AVL9: variants seen among roughly 807,000 people sequenced by gnomAD.
AVL9 encodes AVL9 cell migration associated.
AVL9 carries 49 observed loss-of-function variants against 79.2 expected under a neutral mutation model. The observed-to-expected ratio is 0.62, with a 90% confidence interval of 0.49 to 0.79. The LOEUF is 0.79. Ranked by LOEUF, AVL9 falls within the 30% of genes least tolerant of loss-of-function variation. The pLI is 0.00. For missense variants in AVL9, 682 were observed against 776.8 expected (o/e 0.88, Z 1.45); for synonymous variants, 299 against 280.6 (o/e 1.07, Z -0.65).
At chr7:32,503,365 T>TACACACACACACACACACACACACAC (rs796351504) in intron 1 of AVL9, among the ~76,000 whole-genome samples, 5 of 103,102 alleles carry the variant, frequency 4.8e-5, no homozygotes, top group Non-Finnish European at 7.6e-5. Context: ...TAGAGAGATA[T>TACACACACACACACACACACACACAC]ATATATATAC....
intron 1 of AVL9, among the ~76,000 whole-genome samples, chr7:32,528,748 C>T (rs1236605027): frequency 6.6e-6 from 1 of 152,184 alleles, no homozygotes; most frequent in East Asian, 1.9e-4. Context: ...CAGTGGCTCA[C>T]GCCTGTAATC....
rs977089938 is a variant in AVL9, at chr7:32,587,943, C to T, written c.*4036C>T. The T allele has an allele frequency of 2.0e-5, 3 of 152,172 alleles. No individual in the cohort carries two copies. Among genetic ancestry groups the T allele is most frequent in the Non-Finnish European group, 4.4e-5 (3 of 68,038 alleles). 9.4% of individuals were successfully genotyped at this position (152,172 alleles called of 1,614,324 possible). On this transcript the variant is annotated 3_prime_UTR_variant, in exon 16 of 16. Transcript: ENST00000318709. ...TGCTTTCATTATGAAGGAGGGGAAA[C>T]TAGTTCCCTTGTATGGTAACTCCAA...
intron 9 of AVL9, 110 bp downstream of exon 9, chr7:32,558,738 T>G: frequency 9.3e-7 from 1 of 1,072,354 alleles, no homozygotes; most frequent in Non-Finnish European, 1.3e-6. Context: ...CTTTCTATTT[T>G]AATATGACGT....
intron 8 of AVL9, among the ~76,000 whole-genome samples, chr7:32,558,151 C>G (rs1179278567): frequency 6.8e-6 from 1 of 148,098 alleles, no homozygotes; most frequent in Admixed American, 6.8e-5. Context: ...AGCCACCAAG[C>G]CCAGCAGCTG....
At chr7:32,526,185 A>T (rs1200246259) in intron 1 of AVL9, among the ~76,000 whole-genome samples, 1 of 152,094 alleles carries the variant, frequency 6.6e-6, no homozygotes, top group Non-Finnish European at 1.5e-5. Flanking sequence ...ACTTAGTCTC[A>T]TTCACCCTTC....
intron 1 of AVL9, among the ~76,000 whole-genome samples, chr7:32,503,960 G>A (rs1386201362): frequency 1.3e-5 from 2 of 152,320 alleles, no homozygotes; most frequent in Admixed American, 6.5e-5. Context: ...TGGGATTACA[G>A]GCGTAAGCCA....
chr7:32,575,283 G>A (rs1036511524), intron 12 of AVL9, among the ~76,000 whole-genome samples: 1 of 152,120 alleles, frequency 6.6e-6, no homozygotes, highest in Non-Finnish European at 1.5e-5. Flanking sequence ...ATTTCTGGCA[G>A]AGACAGGGTT....
intron 1 of AVL9, among the ~76,000 whole-genome samples, chr7:32,512,442 C>T (rs562292499): frequency 2.8e-4 from 42 of 152,268 alleles, no homozygotes; most frequent in Non-Finnish European, 3.4e-4. Flanking sequence ...AAACGAACTA[C>T]CAGTAGGCAC....
chr7:32,515,667 G>C (rs1207112192), intron 1 of AVL9, among the ~76,000 whole-genome samples: 2 of 152,044 alleles, frequency 1.3e-5, no homozygotes, highest in African/African-American at 4.8e-5. Flanking sequence ...ACTGAATTGG[G>C]GTTTCATCTT....
intron 1 of AVL9, among the ~76,000 whole-genome samples, chr7:32,503,406 A>ACACACACACAC (rs1424274246): frequency 1.2e-4 from 17 of 145,808 alleles, no homozygotes; most frequent in Admixed American, 2.8e-4. Flanking sequence ...ACACACACAC[A>ACACACACACAC]AATTAGCCGG....
At chr7:32,542,385 C>CAAAAA (rs567774011) in intron 1 of AVL9, among the ~76,000 whole-genome samples, 3 of 90,614 alleles carry the variant, frequency 3.3e-5, no homozygotes, top group Admixed American at 1.3e-4. Context: ...AGTAAAAATA[C>CAAAAA]AAAAAAAAAA....
At position 32,580,280 on chromosome 7, in the gene AVL9, CT is replaced by C; in HGVS notation, c.1742+10del. The C allele has an allele frequency of 6.2e-7, 1 of 1,603,186 alleles. No individual in the cohort carries two copies. Among genetic ancestry groups the C allele is most frequent in the Non-Finnish European group, 8.5e-7 (1 of 1,173,326 alleles). Reference sequence around the variant, plus strand: ...GAAGTTAAGGTTCTCACAGTAAGTACTTAGAGAAAATACTGGGAAAATTCTT... The same window carrying C: ...GAAGTTAAGGTTCTCACAGTAAGTACTAGAGAAAATACTGGGAAAATTCTT... On this transcript the variant is annotated intron_variant, in intron 14 of 15. Coordinates refer to ENST00000318709, the MANE Select transcript of AVL9 (RefSeq NM_015060.3).
At chr7:32,576,672 G>T (rs1269250970) in intron 13 of AVL9, among the ~76,000 whole-genome samples, 1 of 152,098 alleles carries the variant, frequency 6.6e-6, no homozygotes, top group Admixed American at 6.6e-5. Flanking sequence ...TGTAATCCCA[G>T]CTATTTGGGA....
At position 32,585,883 on chromosome 7, in the gene AVL9, G is replaced by C. The variant is rs996432167; in HGVS notation, c.*1976G>C. 3 of 152,026 alleles carry C rather than the reference G, an allele frequency of 2.0e-5. No individual in the cohort carries two copies. The highest frequency in any genetic ancestry group is 2.9e-5 in the Non-Finnish European group (2 of 67,978). The allele number at this position is 152,026 out of a possible 1,614,324, so 9.4% of individuals were successfully genotyped here. On this transcript the variant is annotated 3_prime_UTR_variant, in exon 16 of 16. Transcript: ENST00000318709. The stretch of plus-strand genomic sequence containing the variant: ...TAAACAGTACTTGAATCTTTTTTGC[G>C]CTGAGACTATAAAGAATTCATTCTA...
chr7:32,530,494 A>T (rs921936500), intron 1 of AVL9, among the ~76,000 whole-genome samples: 2 of 152,232 alleles, frequency 1.3e-5, no homozygotes, highest in African/African-American at 4.8e-5. Flanking sequence ...CCTTATAACA[A>T]TGCTATTTAT....
At chr7:32,529,726 TATAAACA>T (rs1418876906) in intron 1 of AVL9, among the ~76,000 whole-genome samples, 4 of 152,210 alleles carry the variant, frequency 2.6e-5, no homozygotes, top group Non-Finnish European at 5.9e-5. Context: ...AGGTGTAACT[TATAAACA>T]ATAAAGTGCA....
chr7:32,537,552 A>G (rs931771235), intron 1 of AVL9: 1 of 135,854 alleles, frequency 7.4e-6, no homozygotes, highest in Non-Finnish European at 1.5e-5. Context: ...AACCACCACC[A>G]CCTGAGTTCA....
chr7:32,525,443 G>A (rs1248377042), intron 1 of AVL9, among the ~76,000 whole-genome samples: 1 of 152,132 alleles, frequency 6.6e-6, no homozygotes, highest in African/African-American at 2.4e-5. Flanking sequence ...AAATCATCAG[G>A]CAAAGTATAA....
chr7:32,551,245 T>G, intron 4 of AVL9, 89 bp from the exon 5 acceptor site: 1 of 818,356 alleles, frequency 1.2e-6, no homozygotes, highest in South Asian at 1.6e-5. Context: ...TAAAAAGTTG[T>G]GGGGTTCTGT....
Sources: gnomAD v4.1 joint callset for allele counts (sites outside exome capture counted in the v4.1 genomes callset) on GRCh38, gnomAD v4.1.1 for gene constraint, MANE v1.5 for transcripts, NCBI Gene and HGNC (gene_info 2026-07-23, HGNC 2026-07-21) for gene names.